The following NMNAT3 variants were observed in gnomAD, a reference collection of about 807,000 sequenced individuals.
NMNAT3 encodes the protein nicotinamide/nicotinic acid mononucleotide adenylyltransferase 3.
In NMNAT3, 21 loss-of-function variants were observed where a neutral mutation model predicts 24.8. The observed-to-expected ratio is 0.85, with a 90% CI of 0.60 to 1.22. The LOEUF is 1.22. NMNAT3 is among the 50% of genes most tolerant of loss of function. The pLI is 0.00. For missense variants in NMNAT3, 387 were observed against 436.6 expected, an observed-to-expected ratio of 0.89 and a Z score of 1.01; for synonymous variants, 136 against 155.2, an observed-to-expected ratio of 0.88 and a Z score of 0.92.
chr3:139,597,817 A>G (rs564099062), intron 3 of NMNAT3, among the ~76,000 whole-genome samples: 4 of 152,270 alleles, frequency 2.6e-5, no homozygotes, highest in East Asian at 1.9e-4. Context: ...GGGGCTTGCA[A>G]TCCTCTGCCT....
chr3:139,631,718 A>G (rs1462393224), intron 2 of NMNAT3, among the ~76,000 whole-genome samples: 1 of 152,030 alleles, frequency 6.6e-6, no homozygotes, highest in Non-Finnish European at 1.5e-5. Context: ...CTCAAGCACA[A>G]CATGCTGCTT....
At chr3:139,640,136 T>C (rs1299847809) in intron 1 of NMNAT3, among the ~76,000 whole-genome samples, 1 of 152,122 alleles carries the variant, frequency 6.6e-6, no homozygotes, top group Non-Finnish European at 1.5e-5. Flanking sequence ...TGTGCATGCA[T>C]AAGGGTCCTA....
At chr3:139,620,607 T>G (rs1178770624) in intron 3 of NMNAT3, among the ~76,000 whole-genome samples, 2 of 152,220 alleles carry the variant, frequency 1.3e-5, no homozygotes, top group Admixed American at 1.3e-4. Flanking sequence ...GCTACTATAA[T>G]TAAAGCTGCT....
At chr3:139,667,121 T>G (rs2057607958) in intron 1 of NMNAT3, among the ~76,000 whole-genome samples, 1 of 152,180 alleles carries the variant, frequency 6.6e-6, no homozygotes, top group Non-Finnish European at 1.5e-5. Flanking sequence ...TACCCAGCAG[T>G]GGGATTGCTG....
At chr3:139,621,500 T>G (rs192147593) in intron 3 of NMNAT3, among the ~76,000 whole-genome samples, 26 of 152,260 alleles carry the variant, frequency 1.7e-4, no homozygotes, top group Non-Finnish European at 2.6e-4. Flanking sequence ...GCCTCCCGAG[T>G]AGCTGTGATT....
intron 3 of NMNAT3, among the ~76,000 whole-genome samples, chr3:139,606,386 A>G (rs2108236971): frequency 6.6e-6 from 1 of 152,244 alleles, no homozygotes; most frequent in African/African-American, 2.4e-5. Flanking sequence ...ATACCTCAGA[A>G]CTGATGCTGT....
rs566236420 is a variant in NMNAT3 at position 139,599,464 on chromosome 3, A to G, written c.110-16256T>C. ...TGGGAAACAAAGGCCTTGAAAGACAAAAATCTAAGAGATCAGGAGCAACTG... is the reference window on the plus strand; with the variant it reads ...TGGGAAACAAAGGCCTTGAAAGACAGAAATCTAAGAGATCAGGAGCAACTG... On this transcript the variant is annotated intron_variant, in intron 3 of 6. Coordinates refer to ENST00000643695, the MANE Select transcript of NMNAT3 (RefSeq NM_001320510.2). 8.7e-5 allele frequency: 61 copies of G among 697,972 alleles called. No individual in the cohort carries two copies. The Middle Eastern group carries it at 2.1e-3, about 24-fold the overall frequency. 43.2% of individuals were successfully genotyped at this position (697,972 alleles called of 1,614,324 possible).
At chr3:139,671,569 A>AC (rs1400009141) in intron 1 of NMNAT3, among the ~76,000 whole-genome samples, 1 of 152,082 alleles carries the variant, frequency 6.6e-6, no homozygotes, top group East Asian at 1.9e-4. Flanking sequence ...TTGATTACTT[A>AC]CAAAACACAA....
In NMNAT3 at chr3:139,642,521, C is replaced by T. The variant is rs549422332; in HGVS notation, c.-140-4459G>A. Among the ~76,000 whole-genome samples, 6 of 152,192 alleles carry T rather than the reference C, an allele frequency of 3.9e-5. No homozygotes were observed. The East Asian group carries it at 5.8e-4, about 15-fold the overall frequency. On this transcript the variant is annotated intron_variant, in intron 1 of 6. Coordinates refer to ENST00000643695, the MANE Select transcript of NMNAT3 (RefSeq NM_001320510.2). ...GATGATATGTTGAGCCCCACTGTGG[C>T]GCTGCCCTGGGAACTTTTCAGAAAC...
chr3:139,601,234 CT>C (rs1294887417), intron 3 of NMNAT3, among the ~76,000 whole-genome samples: 11 of 152,230 alleles, frequency 7.2e-5, no homozygotes, highest in Non-Finnish European at 2.9e-5. Flanking sequence ...CCTGGGCAAT[CT>C]GTTACTTCAA....
chr3:139,570,094 C>G (rs1937919499), intron 6 of NMNAT3: 1 of 152,136 alleles, frequency 6.6e-6, no homozygotes, highest in Non-Finnish European at 1.5e-5. Context: ...TCATTCATTT[C>G]ATCTTCCATC....
At position 139,573,090 on chromosome 3, in the gene NMNAT3, C is replaced by T. The variant is rs183755704; in HGVS notation, c.658+508G>A. Among the ~76,000 whole-genome samples the T allele has an allele frequency of 3.9e-3, 596 of 152,322 alleles. 4 individuals carry two copies. Among genetic ancestry groups the T allele is most frequent in the Non-Finnish European group, 6.1e-3 (418 of 68,030 alleles). ...CGAACACCAGGAAATTACAACACTT[C>T]CTGGCTTACACATCTAGGCTTACAA... On this transcript the variant is annotated intron_variant, in intron 6 of 6. Coordinates refer to ENST00000643695, the MANE Select transcript of NMNAT3 (RefSeq NM_001320510.2).
intron 3 of NMNAT3, among the ~76,000 whole-genome samples, chr3:139,591,028 G>T (rs992645525): frequency 6.6e-6 from 1 of 152,098 alleles, no homozygotes; most frequent in East Asian, 1.9e-4. Flanking sequence ...CACAGAAGAC[G>T]GGTGATTTCT....
chr3:139,560,816 G>A lies in NMNAT3; in HGVS notation c.*194C>T, dbSNP rs1160559942. ...ACTTCTTTGATAAATGTCTATCCTTGTGATTTAGACCTTTCCTCTCCTGTA... is the reference window on the plus strand; with the variant it reads ...ACTTCTTTGATAAATGTCTATCCTTATGATTTAGACCTTTCCTCTCCTGTA... On this transcript the variant is annotated 3_prime_UTR_variant, in exon 7 of 7. Transcript: ENST00000643695. 3.4e-6 allele frequency: 2 copies of A among 583,876 alleles called. No individual in the cohort carries two copies. The highest frequency in any genetic ancestry group is 6.2e-5 in the Admixed American group (2 of 32,392). 36.2% of individuals were successfully genotyped at this position (583,876 alleles called of 1,614,324 possible). A position where few individuals can be genotyped will look rare whatever the true frequency, so the allele number is the denominator to read the frequency against.
chr3:139,660,749 C>G (rs560209336), intron 1 of NMNAT3, among the ~76,000 whole-genome samples: 1 of 152,138 alleles, frequency 6.6e-6, no homozygotes, highest in African/African-American at 2.4e-5. Context: ...AAGGTAACAA[C>G]AAACACTCCA....
chr3:139,612,228 C>T (rs1019064509), intron 3 of NMNAT3, among the ~76,000 whole-genome samples: 3 of 150,946 alleles, frequency 2.0e-5, no homozygotes, highest in Non-Finnish European at 2.9e-5. Context: ...GGACTCTGAA[C>T]GTGAACTAGA....
chr3:139,676,942 C>T (rs991230391), intron 1 of NMNAT3, among the ~76,000 whole-genome samples: 4 of 152,298 alleles, frequency 2.6e-5, no homozygotes, highest in Admixed American at 2.6e-4. Context: ...AAGTCATTTA[C>T]ATTCACCATT....
intron 3 of NMNAT3, among the ~76,000 whole-genome samples, chr3:139,622,816 G>C (rs2055858682): frequency 7.6e-6 from 1 of 131,912 alleles, no homozygotes. Context: ...TATATAAAAT[G>C]TATATATGAT....
chr3:139,635,347 T>C (rs2056461709), intron 2 of NMNAT3: 1 of 152,240 alleles, frequency 6.6e-6, no homozygotes, highest in Non-Finnish European at 1.5e-5. Context: ...GTACCAATGC[T>C]GTGTAGTCTT....
Sources: allele counts gnomAD v4.1 joint callset (sites outside exome capture counted in the v4.1 genomes callset), GRCh38; gene constraint gnomAD v4.1.1; transcripts MANE v1.5; gene names NCBI Gene and HGNC (gene_info 2026-07-23, HGNC 2026-07-21).